The following MMD2 variants were observed in gnomAD, a reference collection of about 807,000 sequenced individuals.
MMD2 encodes the protein monocyte to macrophage differentiation factor 2.
Under a neutral mutation model 33.5 loss-of-function variants are expected in MMD2, and 30 were observed. That is an observed-to-expected ratio of 0.90 (90% CI 0.67 to 1.22). MMD2 has a LOEUF of 1.22. MMD2 is among the 50% of genes most tolerant of loss of function. The pLI is 0.00. For missense variants in MMD2, 364 were observed against 325.4 expected, an observed-to-expected ratio of 1.12 and a Z score of -0.91; for synonymous variants, 129 against 123.0, an observed-to-expected ratio of 1.05 and a Z score of -0.32.
At chr7:4,954,088 T>A (rs1012716881) in intron 1 of MMD2, among the ~76,000 whole-genome samples, 1 of 152,094 alleles carries the variant, frequency 6.6e-6, no homozygotes, top group Non-Finnish European at 1.5e-5. Context: ...CACCTCAGCC[T>A]CCCAAAGCAC....
intron 1 of MMD2, among the ~76,000 whole-genome samples, chr7:4,956,719 CAAGAGAGGTTGAG>C (rs1207764096): frequency 6.6e-6 from 1 of 152,128 alleles, no homozygotes; most frequent in Non-Finnish European, 1.5e-5. Context: ...CCACTGGGGT[CAAGAGAGGTTGAG>C]ACATCTACCA....
At chr7:4,932,855 C>T (rs1245330166) in intron 1 of MMD2, among the ~76,000 whole-genome samples, 2 of 151,982 alleles carry the variant, frequency 1.3e-5, no homozygotes, top group Non-Finnish European at 2.9e-5. Context: ...GAACTCCTGA[C>T]CTCAGGTGAT....
the MMD2 span, among the ~76,000 whole-genome samples, chr7:4,899,814 G>A: frequency 2.6e-5 from 4 of 152,114 alleles, no homozygotes; most frequent in African/African-American, 7.2e-5. Context: ...TGAAATGGGC[G>A]GGTCACATGA....
intron 4 of MMD2, among the ~76,000 whole-genome samples, chr7:4,913,360 G>A (rs1785062322): frequency 6.6e-6 from 1 of 152,094 alleles, no homozygotes; most frequent in Non-Finnish European, 1.5e-5. Flanking sequence ...TCAAACAAAT[G>A]TTTCTTCACC....
chr7:4,930,645 C>CAAAAAAAAGA (rs761850247), intron 1 of MMD2, among the ~76,000 whole-genome samples: 1 of 120,528 alleles, frequency 8.3e-6, no homozygotes. Flanking sequence ...ACTCTGTCTC[C>CAAAAAAAAGA]AAAAAAAAAA....
chr7:4,906,514 G>A lies in MMD2; in HGVS notation c.*882C>T. ...GTTTGCCCCATCTTATGAATGAATA[G>A]CTCTCGTAATGTCTCTGGATTTTTG... is the stretch of plus-strand genomic sequence containing the variant. On this transcript the variant is annotated 3_prime_UTR_variant, in exon 7 of 7. Transcript: ENST00000401401. 2.5e-6 allele frequency: 1 copy of A among 398,634 alleles called. No homozygotes were observed. The highest frequency in any genetic ancestry group is 4.4e-6 in the Non-Finnish European group (1 of 226,086). 24.7% of individuals were successfully genotyped at this position (398,634 alleles called of 1,614,324 possible). A position where few individuals can be genotyped will look rare whatever the true frequency, so the allele number is the denominator to read the frequency against.
chr7:4,902,264 C>G (rs183869505), downstream of MMD2, among the ~76,000 whole-genome samples: 366 of 152,074 alleles, frequency 2.4e-3, 3 homozygotes, highest in African/African-American at 8.4e-3. Flanking sequence ...AAAAAATATT[C>G]TTTAATTTTT....
chr7:4,924,269 A>T (rs1785365437), intron 2 of MMD2, among the ~76,000 whole-genome samples: 1 of 152,242 alleles, frequency 6.6e-6, no homozygotes, highest in Non-Finnish European at 1.5e-5. Flanking sequence ...CTAAGTTCGA[A>T]TCAGCACCAG....
intron 1 of MMD2, among the ~76,000 whole-genome samples, chr7:4,941,666 G>A (rs998612504): frequency 1.3e-5 from 2 of 150,908 alleles, no homozygotes; most frequent in South Asian, 4.2e-4. Flanking sequence ...TTAAACAGTG[G>A]AATACTGCAT....
At chr7:4,893,924 C>T in the MMD2 span, among the ~76,000 whole-genome samples, 12 of 152,148 alleles carry the variant, frequency 7.9e-5, no homozygotes, top group South Asian at 4.1e-4. Context: ...TCACTTTCCT[C>T]GCCATCTTGG....
intron 4 of MMD2, among the ~76,000 whole-genome samples, chr7:4,912,228 A>T (rs1056066888): frequency 1.3e-5 from 2 of 152,128 alleles, no homozygotes; most frequent in Admixed American, 6.6e-5. Flanking sequence ...GTATGAACCA[A>T]GAAGAATAAG....
At chr7:4,901,831 T>C (rs80088112), downstream of MMD2, among the ~76,000 whole-genome samples, 2,556 of 152,334 alleles carry the variant, frequency 0.017, 141 homozygotes, top group East Asian at 0.21. Flanking sequence ...CGACGACCAA[T>C]TACATACATT....
chr7:4,958,998 A>G lies in MMD2; in HGVS notation c.20T>C (p.Leu7Pro). The G allele has an allele frequency of 1.6e-6, 2 of 1,281,914 alleles. No homozygotes were observed. The highest frequency in any genetic ancestry group is 2.0e-6 in the Non-Finnish European group (2 of 1,006,734). 79.4% of individuals were successfully genotyped at this position (1,281,914 alleles called of 1,614,324 possible). A position where few individuals can be genotyped will look rare whatever the true frequency, so the allele number is the denominator to read the frequency against. ...CGCGTATTTCGTCTTCTGGAAATCC[A>G]GCAGCCGGGGGGCGAACATCGCGGC... Reference protein sequence around the residue: MFAPRLLDFQKTKYARF... With the variant: MFAPRLPDFQKTKYARF... Residue 7 changes from leucine (L) to proline (P), a missense_variant, in exon 1 of 7, where the codon CTG (leucine) becomes CCG (proline). Coordinates refer to ENST00000401401, the MANE Select transcript of MMD2 (RefSeq NM_198403.4).
chr7:4,958,883 G>T, intron 1 of MMD2, 88 bp downstream of exon 1: 3 of 1,154,718 alleles, frequency 2.6e-6, no homozygotes, highest in African/African-American at 1.6e-5. Flanking sequence ...TCCGGGCGGC[G>T]GGGCCCGAGA....
Position 4,907,290 on chromosome 7 carries a change from C to T in MMD2, c.*106G>A, listed in dbSNP as rs556165672. ...AGTCACCTTGGAGCCATCAAGAACT[C>T]TACCCAATAAAGGGAAGACAGGCCT... On this transcript the variant is annotated 3_prime_UTR_variant, in exon 7 of 7. Coordinates refer to ENST00000401401, the MANE Select transcript of MMD2 (RefSeq NM_198403.4). 1.1e-5 allele frequency: 12 copies of T among 1,114,916 alleles called. No individual in the cohort carries two copies. The highest frequency in any genetic ancestry group is 1.5e-5 in the Non-Finnish European group (11 of 748,954). 69.1% of individuals were successfully genotyped at this position (1,114,916 alleles called of 1,614,324 possible).
chr7:4,931,070 C>G (rs1187006947), intron 1 of MMD2, among the ~76,000 whole-genome samples: 1 of 152,144 alleles, frequency 6.6e-6, no homozygotes, highest in East Asian at 1.9e-4. Context: ...AGGCTAGTCT[C>G]GAACTCCTGA....
intron 1 of MMD2, among the ~76,000 whole-genome samples, chr7:4,958,102 G>T (rs1207910727): frequency 1.3e-5 from 2 of 152,162 alleles, no homozygotes; most frequent in African/African-American, 2.4e-5. Context: ...GGCAGAGGGG[G>T]AAAGGTGACC....
At chr7:4,941,424 A>G (rs994884025) in intron 1 of MMD2, among the ~76,000 whole-genome samples, 1 of 152,122 alleles carries the variant, frequency 6.6e-6, no homozygotes, top group African/African-American at 2.4e-5. Context: ...GGGGCCAGGA[A>G]TTCAAGACCA....
At chr7:4,903,313 G>A (rs1001550338), downstream of MMD2, among the ~76,000 whole-genome samples, 8 of 152,282 alleles carry the variant, frequency 5.3e-5, no homozygotes, top group African/African-American at 1.4e-4. Flanking sequence ...TAAGCCTTCA[G>A]TGCTGTCAAC....
Sources: allele counts gnomAD v4.1 joint callset (sites outside exome capture counted in the v4.1 genomes callset), GRCh38; gene constraint gnomAD v4.1.1; transcripts MANE v1.5; gene names NCBI Gene and HGNC (gene_info 2026-07-23, HGNC 2026-07-21).